The following R3HDM4 variants were observed in gnomAD, a reference collection of about 807,000 sequenced individuals.
The protein encoded by R3HDM4 is R3H domain containing 4, also known as R3H domain-containing protein 4.
A neutral mutation model predicts 31.3 loss-of-function variants in R3HDM4; 30 were observed. The observed-to-expected ratio is 0.96, with a 90% CI of 0.72 to 1.30. R3HDM4 has a LOEUF of 1.30. Among genes scored for constraint, R3HDM4 ranks in the 50% most tolerant of loss-of-function variants. The probability of loss-of-function intolerance (pLI) is 0.00; values close to 1 mark genes in which losing one functional copy is unlikely to be tolerated. For synonymous variants in R3HDM4, 196 were observed against 156.6 expected, an observed-to-expected ratio of 1.25 and a Z score of -1.88; for missense variants, 444 against 366.1, an observed-to-expected ratio of 1.21 and a Z score of -1.74.
intron 7 of R3HDM4, among the ~76,000 whole-genome samples, chr19:897,889 G>A (rs886232865): frequency 6.6e-6 from 1 of 152,202 alleles, no homozygotes; most frequent in Non-Finnish European, 1.5e-5. Flanking sequence ...TCCCTGCCCT[G>A]CAGAGGTGGC....
intron 1 of R3HDM4, among the ~76,000 whole-genome samples, chr19:912,064 G>GGC (rs2036978317): frequency 7.5e-6 from 1 of 132,466 alleles, no homozygotes; most frequent in Non-Finnish European, 1.6e-5. Flanking sequence ...GGAGTGGGGG[G>GGC]GCAGACCCGG....
At chr19:897,877 G>T (rs1163236915) in intron 7 of R3HDM4, among the ~76,000 whole-genome samples, 2 of 152,198 alleles carry the variant, frequency 1.3e-5, no homozygotes, top group Non-Finnish European at 2.9e-5. Context: ...CTCCCCTCAG[G>T]CTCCCTGCCC....
At chr19:902,636 A>G (rs1000410056) in intron 1 of R3HDM4, 1 of 150,434 alleles carries the variant, frequency 6.6e-6, no homozygotes, top group African/African-American at 2.5e-5. Context: ...GACTGTGTCC[A>G]AAAAAAATAA....
intron 1 of R3HDM4, among the ~76,000 whole-genome samples, chr19:911,352 G>A (rs918595060): frequency 3.3e-5 from 5 of 152,184 alleles, no homozygotes; most frequent in Non-Finnish European, 7.3e-5. Context: ...GCTGCCGCAG[G>A]AGAATCGCTT....
chr19:913,169 T>TGTC lies in R3HDM4; in HGVS notation c.-15_-13dup, dbSNP rs2037004309. 3.8e-6 allele frequency: 4 copies of TGTC among 1,064,398 alleles called. No individual in the cohort carries two copies. In the East Asian group the frequency reaches 2.9e-4, roughly 78 times the overall value. The allele number at this position is 1,064,398 out of a possible 1,614,324, so 65.9% of individuals were successfully genotyped here. A position where few individuals can be genotyped will look rare whatever the true frequency, so the allele number is the denominator to read the frequency against. On this transcript the variant is annotated 5_prime_UTR_variant, in exon 1 of 8. Coordinates refer to ENST00000361574, the MANE Select transcript of R3HDM4 (RefSeq NM_138774.4). The surrounding 1 kb of genome is among the most constrained non-coding windows in gnomAD (Gnocchi z 5.0). ...TCCAGCGCGACCATGGCTCGCACGC[T>TGTC]GTCGCCGCCGCCGCCGCCCGGCAGG...
In R3HDM4 at chr19:899,820, T is replaced by C; in HGVS notation, c.562-134A>G. On this transcript the variant is annotated intron_variant, in intron 5 of 7. Transcript: ENST00000361574. This position sits in a 1 kb window ranked among gnomAD's most constrained non-coding sequence, Gnocchi z 6.8. ...GACCCACCACGTGAGGCTGCTTAAG[T>C]GTCTCTGAGGCCACCATGCCACCTC... is the stretch of plus-strand genomic sequence containing the variant. The C allele has an allele frequency of 1.3e-6, 1 of 795,452 alleles. No individual in the cohort carries two copies. Among genetic ancestry groups the C allele is most frequent in the Admixed American group, 2.9e-5 (1 of 34,168 alleles). The allele number at this position is 795,452 out of a possible 1,614,324, so 49.3% of individuals were successfully genotyped here. A position where few individuals can be genotyped will look rare whatever the true frequency, so the allele number is the denominator to read the frequency against.
chr19:913,175 C>T lies in R3HDM4; in HGVS notation c.-18G>A, dbSNP rs770158400. The T allele has an allele frequency of 4.2e-5, 45 of 1,060,730 alleles. No homozygotes were observed. Among genetic ancestry groups the T allele is most frequent in the East Asian group, 3.0e-4 (4 of 13,492 alleles). 65.7% of individuals were successfully genotyped at this position (1,060,730 alleles called of 1,614,324 possible). A position where few individuals can be genotyped will look rare whatever the true frequency, so the allele number is the denominator to read the frequency against. ...GCGACCATGGCTCGCACGCTGTCGC[C>T]GCCGCCGCCGCCCGGCAGGGCCTTC... On this transcript the variant is annotated 5_prime_UTR_variant, in exon 1 of 8. Coordinates refer to ENST00000361574, the MANE Select transcript of R3HDM4 (RefSeq NM_138774.4). This position sits in a 1 kb window ranked among gnomAD's most constrained non-coding sequence, Gnocchi z 5.0.
intron 1 of R3HDM4, among the ~76,000 whole-genome samples, chr19:906,077 C>T (rs1455691413): frequency 2.6e-5 from 4 of 151,782 alleles, no homozygotes; most frequent in Admixed American, 6.6e-5. Context: ...CAGGCTGGAG[C>T]GCAGTGGTGC....
At chr19:906,106 C>T (rs1346217585) in intron 1 of R3HDM4, among the ~76,000 whole-genome samples, 1 of 152,054 alleles carries the variant, frequency 6.6e-6, no homozygotes, top group Non-Finnish European at 1.5e-5. Context: ...CTCACTGCAA[C>T]CTCTGCCTCC....
Position 912,982 on chromosome 19 carries a change from A to AG in R3HDM4, c.71+104dup, listed in dbSNP as rs566518273. On this transcript the variant is annotated intron_variant, in intron 1 of 7. Coordinates refer to ENST00000361574, the MANE Select transcript of R3HDM4 (RefSeq NM_138774.4). ...GGGAGCGAGGGGAACGAAGGGAACG[A>AG]GGGGAGGGAAGGGAAAGGAGGGGAG... is the stretch of plus-strand genomic sequence containing the variant. 545 of 244,692 alleles carry AG rather than the reference A, an allele frequency of 2.2e-3. 9 individuals are homozygous for AG. The East Asian group carries it at 0.072, about 32-fold the overall frequency. 15.2% of individuals were successfully genotyped at this position (244,692 alleles called of 1,614,324 possible).
intron 7 of R3HDM4, among the ~76,000 whole-genome samples, chr19:897,972 A>G (rs553854499): frequency 5.3e-4 from 80 of 152,268 alleles, no homozygotes; most frequent in Admixed American, 9.2e-4. Context: ...TCACTGCAGA[A>G]AAATGAATGA....
At position 900,149 on chromosome 19, in the gene R3HDM4, G is replaced by T. The variant is rs1254232252; in HGVS notation, c.476-3C>A. ...GCGGGGTGTATAGGCGGGGTCCTCT[G>T]CAGGAGTGGGGGAACAAGGGGCAGT... On this transcript the variant is annotated splice_region_variant and splice_polypyrimidine_tract_variant and intron_variant, in intron 4 of 7. Transcript: ENST00000361574. The T allele has an allele frequency of 1.9e-6, 3 of 1,561,146 alleles. No individual in the cohort carries two copies. The highest frequency in any genetic ancestry group is 2.6e-6 in the Non-Finnish European group (3 of 1,154,728).
rs914847275 is a variant in R3HDM4, at chr19:913,169, T to C, written c.-12A>G. ...TCCAGCGCGACCATGGCTCGCACGCTGTCGCCGCCGCCGCCGCCCGGCAGG... is the reference window on the plus strand; with the variant it reads ...TCCAGCGCGACCATGGCTCGCACGCCGTCGCCGCCGCCGCCGCCCGGCAGG... On this transcript the variant is annotated 5_prime_UTR_variant, in exon 1 of 8. Coordinates refer to ENST00000361574, the MANE Select transcript of R3HDM4 (RefSeq NM_138774.4). This position sits in a 1 kb window ranked among gnomAD's most constrained non-coding sequence, Gnocchi z 5.0. 8.7e-5 allele frequency: 93 copies of C among 1,064,290 alleles called. No individual in the cohort carries two copies. Among genetic ancestry groups the C allele is most frequent in the Middle Eastern group, 8.5e-4 (2 of 2,346 alleles). 65.9% of individuals were successfully genotyped at this position (1,064,290 alleles called of 1,614,324 possible). A position where few individuals can be genotyped will look rare whatever the true frequency, so the allele number is the denominator to read the frequency against.
At chr19:901,132 G>C (rs1021059972) in intron 3 of R3HDM4, 180 bp from the exon 4 acceptor site, 1 of 815,606 alleles carries the variant, frequency 1.2e-6, no homozygotes, top group South Asian at 1.9e-5. Context: ...GCGGGGAACC[G>C]GGGTGGGCCC....
intron 1 of R3HDM4, among the ~76,000 whole-genome samples, chr19:905,920 C>T (rs762676879): frequency 6.6e-6 from 1 of 152,190 alleles, no homozygotes; most frequent in Non-Finnish European, 1.5e-5. Context: ...CCCAGGCAAG[C>T]CTGGCAACTC....
Position 902,110 on chromosome 19 carries a change from G to A in R3HDM4, c.92C>T (p.Pro31Leu). 1 of 1,613,570 alleles carries A rather than the reference G, an allele frequency of 6.2e-7. No individual in the cohort carries two copies. The highest frequency in any genetic ancestry group is 1.1e-5 in the South Asian group (1 of 91,088). ...RRLLPLPSCL[P>L]ALASSQVKRL... ...CTTCACCTGGGAGCTGGCTAGGGCA[G>A]GCAGGCAGCTGGGAAGGGGCCTGTG... The change falls in exon 2 of 8, where the codon CCT (proline) becomes CTT (leucine). Residue 31 changes from proline to leucine, a missense_variant. Physicochemically the swap from Pro to Leu is moderately conservative, Grantham distance 98. Coordinates refer to ENST00000361574, the MANE Select transcript of R3HDM4 (RefSeq NM_138774.4).
At chr19:898,922 G>C (rs1184751243) in intron 7 of R3HDM4, among the ~76,000 whole-genome samples, 2 of 152,188 alleles carry the variant, frequency 1.3e-5, no homozygotes, top group Non-Finnish European at 2.9e-5. Flanking sequence ...GGTGTGAGAG[G>C]CTCAGGACCA....
intron 1 of R3HDM4, among the ~76,000 whole-genome samples, chr19:909,070 G>T (rs1028192928): frequency 5.3e-5 from 8 of 152,216 alleles, no homozygotes; most frequent in Non-Finnish European, 8.8e-5. Flanking sequence ...ACCCAGCGGG[G>T]GTATCTGAGG....
At chr19:908,019 C>T (rs1367875155) in intron 1 of R3HDM4, among the ~76,000 whole-genome samples, 1 of 151,200 alleles carries the variant, frequency 6.6e-6, no homozygotes, top group East Asian at 2.0e-4. Flanking sequence ...ATGGTAAAAC[C>T]CTGTCTCTAC....
Sources: allele counts gnomAD v4.1 joint callset (sites outside exome capture counted in the v4.1 genomes callset), GRCh38; gene constraint gnomAD v4.1.1; non-coding constraint Gnocchi (gnomAD v3.1); transcripts MANE v1.5; gene names NCBI Gene and HGNC (gene_info 2026-07-23, HGNC 2026-07-21).